CSTPP1: variants seen among roughly 807,000 people sequenced by gnomAD.
CSTPP1 encodes the protein UPF0705 protein C11orf49.
the CSTPP1 span, among the ~76,000 whole-genome samples, chr11:47,074,439 G>A: frequency 6.6e-6 from 1 of 150,972 alleles, no homozygotes; most frequent in Non-Finnish European, 1.5e-5. Context: ...GGTTGAGGCT[G>A]CAGTGAGCTG....
the CSTPP1 span, chr11:47,164,251 G>A: frequency 1.2e-5 from 20 of 1,612,248 alleles, no homozygotes; most frequent in Non-Finnish European, 1.6e-5. Context: ...CCCAGAGAGT[G>A]AGGCCAGGGG....
the CSTPP1 span, among the ~76,000 whole-genome samples, chr11:47,129,958 A>C: frequency 6.6e-6 from 1 of 152,178 alleles, no homozygotes; most frequent in Non-Finnish European, 1.5e-5. Flanking sequence ...GTCATAATAA[A>C]ATATAAAACT....
the CSTPP1 span, among the ~76,000 whole-genome samples, chr11:47,125,955 T>C: frequency 3.7e-3 from 562 of 151,804 alleles, 2 homozygotes; most frequent in Middle Eastern, 6.8e-3. Flanking sequence ...AGGCAGAGGT[T>C]GTAGTGAGCT....
chr11:47,117,035 C>T, the CSTPP1 span, among the ~76,000 whole-genome samples: 6 of 152,148 alleles, frequency 3.9e-5, no homozygotes, highest in Admixed American at 6.6e-5. Flanking sequence ...TGTCTTTGCA[C>T]GTGAGATGGG....
the CSTPP1 span, among the ~76,000 whole-genome samples, chr11:47,105,959 C>G: frequency 2.6e-5 from 4 of 152,108 alleles, no homozygotes; most frequent in African/African-American, 7.2e-5. Context: ...AGAAAGGAAA[C>G]TTTCATTAAA....
chr11:47,034,260 G>C, the CSTPP1 span, among the ~76,000 whole-genome samples: 1 of 152,068 alleles, frequency 6.6e-6, no homozygotes, highest in African/African-American at 2.4e-5. Context: ...CTGGCAACTG[G>C]TATTTATCTT....
the CSTPP1 span, among the ~76,000 whole-genome samples, chr11:47,094,999 G>T: frequency 1.3e-5 from 2 of 152,028 alleles, no homozygotes; most frequent in Non-Finnish European, 2.9e-5. Context: ...GTTATTTGGA[G>T]ATATTTTTAT....
At chr11:47,082,714 C>T in the CSTPP1 span, among the ~76,000 whole-genome samples, 1 of 152,048 alleles carries the variant, frequency 6.6e-6, no homozygotes, top group African/African-American at 2.4e-5. Context: ...CAGTAACTCC[C>T]CTTTTTCCCC....
chr11:46,965,412 A>C, the CSTPP1 span, among the ~76,000 whole-genome samples: 1 of 151,904 alleles, frequency 6.6e-6, no homozygotes. Context: ...TTTAGTAGAG[A>C]TGGGGTTTTG....
the CSTPP1 span, chr11:47,004,567 C>T: frequency 6.6e-6 from 1 of 152,158 alleles, no homozygotes; most frequent in African/African-American, 2.4e-5. Flanking sequence ...CTGCATGACT[C>T]TTAACCACTT....
the CSTPP1 span, among the ~76,000 whole-genome samples, chr11:47,050,934 T>C: frequency 6.6e-6 from 1 of 152,188 alleles, no homozygotes; most frequent in Non-Finnish European, 1.5e-5. Flanking sequence ...AGTATATAAT[T>C]TGCTTTTTCA....
At chr11:47,138,515 T>C in the CSTPP1 span, among the ~76,000 whole-genome samples, 1 of 152,126 alleles carries the variant, frequency 6.6e-6, no homozygotes, top group Non-Finnish European at 1.5e-5. Flanking sequence ...GAAAGGCACA[T>C]TATATTATTT....
chr11:46,987,256 T>C, the CSTPP1 span: 2 of 1,614,200 alleles, frequency 1.2e-6, no homozygotes, highest in Non-Finnish European at 1.7e-6. Context: ...TGCCAGCTGC[T>C]AGAAAACAGG....
chr11:47,157,174 G>C, the CSTPP1 span: 2 of 1,608,484 alleles, frequency 1.2e-6, no homozygotes, highest in Non-Finnish European at 1.7e-6. Context: ...AGGCGTCGCT[G>C]TTCTACCAGT....
the CSTPP1 span, among the ~76,000 whole-genome samples, chr11:47,078,834 G>A: frequency 3.3e-5 from 5 of 152,174 alleles, no homozygotes; most frequent in African/African-American, 1.2e-4. Context: ...CTGAAGGCAT[G>A]TGATGCCAAG....
chr11:47,104,892 T>G, the CSTPP1 span, among the ~76,000 whole-genome samples: 1 of 152,228 alleles, frequency 6.6e-6, no homozygotes, highest in Non-Finnish European at 1.5e-5. Context: ...TCAGTTTACA[T>G]CTGTTTGTCT....
chr11:46,955,538 G>C, the CSTPP1 span, among the ~76,000 whole-genome samples: 3 of 151,528 alleles, frequency 2.0e-5, no homozygotes, highest in Non-Finnish European at 4.4e-5. Flanking sequence ...TAATTTTTTT[G>C]TATTTCAGCA....
the CSTPP1 span, chr11:47,155,098 T>G: frequency 1.0e-5 from 8 of 801,828 alleles, no homozygotes; most frequent in Non-Finnish European, 1.4e-5. Flanking sequence ...ACTTTTCCCT[T>G]CCTCCCTCTC....
the CSTPP1 span, among the ~76,000 whole-genome samples, chr11:47,069,703 TTTTA>T: frequency 1.3e-5 from 2 of 152,100 alleles, no homozygotes; most frequent in Non-Finnish European, 2.9e-5. Flanking sequence ...TTGCTGTTTA[TTTTA>T]TTATTATTAT....
Sources: gnomAD v4.1 joint callset for allele counts (sites outside exome capture counted in the v4.1 genomes callset) on GRCh38, gnomAD v4.1.1 for gene constraint, MANE v1.5 for transcripts, NCBI Gene and HGNC (gene_info 2026-07-23, HGNC 2026-07-21) for gene names.